COBLL1: variants seen among roughly 807,000 people sequenced by gnomAD.
The protein encoded by COBLL1 is cordon-bleu protein-like 1.
COBLL1 carries 50 observed loss-of-function variants against 94.8 expected under a neutral mutation model. The ratio of observed to expected loss-of-function variants is 0.53; its 90% CI spans 0.42 to 0.67. COBLL1 has a LOEUF of 0.67. Ranked by LOEUF, COBLL1 falls within the 30% of genes least tolerant of loss-of-function variation. The pLI, the probability that COBLL1 is intolerant of heterozygous loss-of-function variation, is 0.00. For missense variants in COBLL1, 1,362 were observed against 1,348.7 expected, an observed-to-expected ratio of 1.01 and a Z score of -0.15; for synonymous variants, 448 against 473.8, an observed-to-expected ratio of 0.95 and a Z score of 0.71.
intron 2 of COBLL1, among the ~76,000 whole-genome samples, chr2:164,754,242 A>C (rs1018557118): frequency 6.6e-6 from 1 of 152,168 alleles, no homozygotes; most frequent in Non-Finnish European, 1.5e-5. Context: ...CAGTTTAAGG[A>C]AATACATTTA....
chr2:164,703,328 T>C, intron 9 of COBLL1: 1 of 701,690 alleles, frequency 1.4e-6, no homozygotes, highest in Non-Finnish European at 2.4e-6. Flanking sequence ...CTCACAATTA[T>C]CCATGCATTA....
At chr2:164,715,167 A>C (rs1389690937) in intron 7 of COBLL1, among the ~76,000 whole-genome samples, 1 of 152,190 alleles carries the variant, frequency 6.6e-6, no homozygotes, top group Non-Finnish European at 1.5e-5. Context: ...AATCTGATGA[A>C]AACTACAGTG....
At chr2:164,742,577 G>A (rs1347758479) in intron 3 of COBLL1, among the ~76,000 whole-genome samples, 2 of 151,970 alleles carry the variant, frequency 1.3e-5, no homozygotes, top group African/African-American at 2.4e-5. Context: ...CTCATAAATA[G>A]GGTTCAATGT....
At chr2:164,833,772 C>T (rs1465127358) in intron 2 of COBLL1, among the ~76,000 whole-genome samples, 1 of 152,102 alleles carries the variant, frequency 6.6e-6, no homozygotes, top group Non-Finnish European at 1.5e-5. Flanking sequence ...TAAAGCACTT[C>T]GCCAAAATGC....
chr2:164,717,739 T>C (rs1685245173), intron 7 of COBLL1, among the ~76,000 whole-genome samples: 1 of 152,088 alleles, frequency 6.6e-6, no homozygotes, highest in Non-Finnish European at 1.5e-5. Context: ...ATTTTATTAT[T>C]TTTTGTAGAG....
intron 3 of COBLL1, among the ~76,000 whole-genome samples, chr2:164,736,743 A>G (rs1441665477): frequency 1.3e-5 from 2 of 152,204 alleles, no homozygotes; most frequent in Non-Finnish European, 2.9e-5. Context: ...TATTGACATG[A>G]AAGATGGAAA....
intron 2 of COBLL1, among the ~76,000 whole-genome samples, chr2:164,834,173 TA>T (rs2105388418): frequency 6.6e-6 from 1 of 152,266 alleles, no homozygotes; most frequent in Non-Finnish European, 1.5e-5. Context: ...ACAACAACAA[TA>T]AAAATACTTG....
downstream of COBLL1, among the ~76,000 whole-genome samples, chr2:164,679,662 G>A (rs114580039): frequency 0.017 from 2,514 of 151,090 alleles, 75 homozygotes; most frequent in African/African-American, 0.059. Context: ...TATTTCTCTC[G>A]TCCCTCTTAA....
chr2:164,736,856 T>A (rs1178473477), intron 3 of COBLL1, among the ~76,000 whole-genome samples: 1 of 152,212 alleles, frequency 6.6e-6, no homozygotes, highest in Non-Finnish European at 1.5e-5. Flanking sequence ...TATATGTGCA[T>A]GCCTAAGAAT....
intron 2 of COBLL1, among the ~76,000 whole-genome samples, chr2:164,796,459 T>A (rs1029044691): frequency 1.3e-5 from 2 of 151,988 alleles, no homozygotes; most frequent in African/African-American, 4.8e-5. Flanking sequence ...TATAAACAAA[T>A]GCATACAGAA....
intron 2 of COBLL1, among the ~76,000 whole-genome samples, chr2:164,660,899 T>A (rs1391468990): frequency 2.0e-5 from 3 of 152,326 alleles, no homozygotes; most frequent in Middle Eastern, 3.4e-3. Context: ...TAAACCCTAA[T>A]GGGACTCTCA....
intron 2 of COBLL1, among the ~76,000 whole-genome samples, chr2:164,760,716 CTTCT>C (rs1348125983): frequency 6.6e-6 from 1 of 152,042 alleles, no homozygotes; most frequent in Admixed American, 6.6e-5. Flanking sequence ...ATTTCTGTAA[CTTCT>C]TTCAAAGAAA....
At chr2:164,749,066 C>A (rs905019921) in intron 2 of COBLL1, among the ~76,000 whole-genome samples, 2 of 151,960 alleles carry the variant, frequency 1.3e-5, no homozygotes, top group Non-Finnish European at 2.9e-5. Context: ...GTAATCATTA[C>A]TCCATTACTG....
chr2:164,778,250 A>C (rs924989803), intron 2 of COBLL1, among the ~76,000 whole-genome samples: 1 of 152,168 alleles, frequency 6.6e-6, no homozygotes, highest in African/African-American at 2.4e-5. Context: ...TGTGTCAGAA[A>C]GGGTTATACT....
rs529956463 is a variant in COBLL1 at position 164,790,114 on chromosome 2, G to T, written c.42-46239C>A. Among the ~76,000 whole-genome samples, 4 of 152,226 alleles carry T rather than the reference G, an allele frequency of 2.6e-5. No individual in the cohort carries two copies. In the East Asian group the frequency reaches 7.7e-4, roughly 29 times the overall value. On this transcript the variant is annotated intron_variant, in intron 2 of 13. Transcript: ENST00000652658. ...AATAGAAATCAATTCACACTGGGTG[G>T]GGCCACCATCTGTGTGGAGTTTGCA... is the stretch of plus-strand genomic sequence containing the variant.
intron 2 of COBLL1, among the ~76,000 whole-genome samples, chr2:164,752,608 G>A: frequency 6.6e-6 from 1 of 152,034 alleles, no homozygotes; most frequent in African/African-American, 2.4e-5. Flanking sequence ...AGCACAGAGA[G>A]CATGGGACAA....
Position 164,821,036 on chromosome 2 carries a change from C to T in COBLL1, c.41+20120G>A, listed in dbSNP as rs185559859. Reference sequence around the variant, plus strand: ...CCGAGTAGCTGGGATTACAGGCATGCATCACCATGCCCAGCTAATTTTTTT... The same window carrying T: ...CCGAGTAGCTGGGATTACAGGCATGTATCACCATGCCCAGCTAATTTTTTT... On this transcript the variant is annotated intron_variant, in intron 2 of 13. Transcript: ENST00000652658. Among the ~76,000 whole-genome samples, 92 of 152,146 alleles carry T rather than the reference C, an allele frequency of 6.0e-4. 1 individual carries two copies. Among genetic ancestry groups the T allele is most frequent in the Admixed American group, 5.8e-3 (89 of 15,272 alleles).
intron 2 of COBLL1, among the ~76,000 whole-genome samples, chr2:164,754,477 A>G (rs899053122): frequency 6.6e-6 from 1 of 152,188 alleles, no homozygotes; most frequent in Non-Finnish European, 1.5e-5. Flanking sequence ...CCCATGTGGC[A>G]ACTGACATCT....
At chr2:164,669,230 G>A (rs546039315) in intron 1 of COBLL1, among the ~76,000 whole-genome samples, 20 of 152,308 alleles carry the variant, frequency 1.3e-4, no homozygotes, top group African/African-American at 4.6e-4. Context: ...TCATTCAATA[G>A]CCTTTGTTAC....
Sources: allele counts gnomAD v4.1 joint callset (sites outside exome capture counted in the v4.1 genomes callset), GRCh38; gene constraint gnomAD v4.1.1; transcripts MANE v1.5; gene names NCBI Gene and HGNC (gene_info 2026-07-23, HGNC 2026-07-21).